The following CSMD1 variants were observed in gnomAD, a reference collection of about 807,000 sequenced individuals.
The protein encoded by CSMD1 is CUB and sushi domain-containing protein 1.
In CSMD1, 213 loss-of-function variants were observed where a neutral mutation model predicts 417.5. The ratio of observed to expected loss-of-function variants is 0.51; its 90% confidence interval spans 0.46 to 0.57. The LOEUF is 0.57. Ranked by LOEUF, CSMD1 falls within the 20% of genes least tolerant of loss-of-function variation. CSMD1 has a pLI of 0.00. For synonymous variants in CSMD1, 2,862 were observed against 1,736.8 expected (o/e 1.65, Z -16.11); for missense variants, 6,923 against 4,529.7 (o/e 1.53, Z -15.17).
chr8:4,453,055 T>G (rs1799243532), intron 2 of CSMD1, among the ~76,000 whole-genome samples: 2 of 152,166 alleles, frequency 1.3e-5, no homozygotes, highest in Admixed American at 1.3e-4. Context: ...CATGTTGTGC[T>G]AGGACCATGA....
chr8:2,974,748 G>C (rs1478669162), intron 55 of CSMD1, 124 bp from the exon 56 acceptor site: 1 of 548,600 alleles, frequency 1.8e-6, no homozygotes, highest in Non-Finnish European at 2.8e-6. Flanking sequence ...AAATATTCTG[G>C]TACTTATGTA....
intron 7 of CSMD1, among the ~76,000 whole-genome samples, chr8:3,652,476 C>T (rs895172479): frequency 6.6e-6 from 1 of 152,158 alleles, no homozygotes. Context: ...TAAAGACATA[C>T]CTGAGACTGG....
intron 6 of CSMD1, among the ~76,000 whole-genome samples, chr8:3,724,712 A>G (rs1174077658): frequency 6.6e-6 from 1 of 152,164 alleles, no homozygotes; most frequent in Non-Finnish European, 1.5e-5. Flanking sequence ...ATGCATTTTT[A>G]TTTACACTGC....
intron 3 of CSMD1, among the ~76,000 whole-genome samples, chr8:4,156,421 G>A (rs181862801): frequency 9.2e-5 from 14 of 152,268 alleles, no homozygotes; most frequent in Non-Finnish European, 1.9e-4. Flanking sequence ...TCTCTGTACT[G>A]ACTTGAGAAA....
At chr8:4,101,630 T>G (rs1439093264) in intron 3 of CSMD1, among the ~76,000 whole-genome samples, 3 of 152,248 alleles carry the variant, frequency 2.0e-5, no homozygotes. Flanking sequence ...CTGAAGTACC[T>G]TGGCTCATTT....
intron 1 of CSMD1, among the ~76,000 whole-genome samples, chr8:4,922,780 C>G (rs917479831): frequency 1.3e-5 from 2 of 152,124 alleles, no homozygotes; most frequent in Non-Finnish European, 2.9e-5. Flanking sequence ...TGAAGGACAC[C>G]AAAGTCACCC....
intron 5 of CSMD1, among the ~76,000 whole-genome samples, chr8:3,959,254 C>T (rs1010951297): frequency 6.6e-6 from 1 of 152,216 alleles, no homozygotes; most frequent in African/African-American, 2.4e-5. Flanking sequence ...AATCCCAGCA[C>T]TTTAGGATGC....
At chr8:4,423,133 A>AAACAAGTCAAGAAATTTG (rs1199537928) in intron 2 of CSMD1, among the ~76,000 whole-genome samples, 3 of 152,106 alleles carry the variant, frequency 2.0e-5, no homozygotes, top group East Asian at 3.9e-4. Context: ...CTAAGACTGG[A>AAACAAGTCAAGAAATTTG]AACAAGTCAA....
intron 3 of CSMD1, among the ~76,000 whole-genome samples, chr8:4,037,391 C>G (rs913712047): frequency 1.3e-5 from 2 of 152,216 alleles, no homozygotes; most frequent in African/African-American, 4.8e-5. Context: ...CTCCACGCAA[C>G]AGCCCAGTGG....
chr8:3,634,207 C>A (rs1218675451), intron 7 of CSMD1, among the ~76,000 whole-genome samples: 1 of 152,262 alleles, frequency 6.6e-6, no homozygotes, highest in Non-Finnish European at 1.5e-5. Context: ...TAGGCCACAG[C>A]AGATAGTCTA....
rs192747410 is a variant in CSMD1 at position 4,324,407 on chromosome 8, C to T, written c.415+95546G>A. 1.4e-3 allele frequency among the ~76,000 whole-genome samples: 220 copies of T among 152,316 alleles called. 2 individuals are homozygous for T. Among genetic ancestry groups the T allele is most frequent in the African/African-American group, 5.0e-3 (209 of 41,578 alleles). ...GGGGCAGGAGCAAGGAGGGGTTCCT[C>T]ACCCTGGCAGGAAAGCTAGAAGCCT... On this transcript the variant is annotated intron_variant, in intron 3 of 69. Coordinates refer to ENST00000635120, the MANE Select transcript of CSMD1 (RefSeq NM_033225.6).
chr8:4,132,009 G>C (rs6988099), intron 3 of CSMD1, among the ~76,000 whole-genome samples: 9,225 of 151,932 alleles, frequency 0.061, 936 homozygotes, highest in African/African-American at 0.21. Context: ...CGTGATCCCT[G>C]TGACTATTTC....
chr8:4,293,287 T>A (rs1164381060), intron 3 of CSMD1, among the ~76,000 whole-genome samples: 2 of 152,062 alleles, frequency 1.3e-5, no homozygotes, highest in East Asian at 3.8e-4. Flanking sequence ...AAGCAGCAAA[T>A]GAAAATTGGC....
At chr8:3,487,252 A>C (rs1233547513) in intron 11 of CSMD1, among the ~76,000 whole-genome samples, 1 of 152,092 alleles carries the variant, frequency 6.6e-6, no homozygotes, top group East Asian at 1.9e-4. Context: ...CCCAGGCTGG[A>C]GTGCAGTGGC....
intron 12 of CSMD1, among the ~76,000 whole-genome samples, chr8:3,424,222 G>C (rs960675808): frequency 6.6e-6 from 1 of 152,158 alleles, no homozygotes; most frequent in Non-Finnish European, 1.5e-5. Flanking sequence ...TTGTATCTAA[G>C]AGCATAATGA....
chr8:3,792,010 C>T (rs1483290946), intron 5 of CSMD1, among the ~76,000 whole-genome samples: 1 of 151,828 alleles, frequency 6.6e-6, no homozygotes, highest in East Asian at 1.9e-4. Flanking sequence ...CTTTTGTTTA[C>T]TTCTAATGTT....
At chr8:3,308,729 C>CA (rs1563255386) in intron 23 of CSMD1, among the ~76,000 whole-genome samples, 1 of 102,916 alleles carries the variant, frequency 9.7e-6, no homozygotes, top group Non-Finnish European at 1.9e-5. Flanking sequence ...TCCCTACTTA[C>CA]AAGTTTTTTT....
At chr8:3,083,581 T>C (rs1366694545) in intron 49 of CSMD1, among the ~76,000 whole-genome samples, 3 of 129,482 alleles carry the variant, frequency 2.3e-5, no homozygotes, top group Non-Finnish European at 4.8e-5. Context: ...GGTCATGCTC[T>C]CCATCCACGG....
At chr8:3,750,260 T>G (rs1797268067) in intron 6 of CSMD1, among the ~76,000 whole-genome samples, 1 of 151,718 alleles carries the variant, frequency 6.6e-6, no homozygotes, top group Non-Finnish European at 1.5e-5. Context: ...AAAAAGATTA[T>G]AATATATGCG....
Sources: allele counts gnomAD v4.1 joint callset (sites outside exome capture counted in the v4.1 genomes callset), GRCh38; gene constraint gnomAD v4.1.1; transcripts MANE v1.5; gene names NCBI Gene and HGNC (gene_info 2026-07-23, HGNC 2026-07-21).